The following PPM1H variants were observed in gnomAD, a reference collection of about 807,000 sequenced individuals.
The protein encoded by PPM1H is protein phosphatase, Mg2+/Mn2+ dependent 1H, also known as protein phosphatase 1H.
Under a neutral mutation model 54.9 loss-of-function variants are expected in PPM1H, and 27 were observed. The observed-to-expected ratio is 0.49, with a 90% CI of 0.36 to 0.68. The LOEUF (loss-of-function observed/expected upper bound fraction) is 0.68, where lower values mean the gene tolerates loss of function less well. PPM1H is among the 30% of genes least tolerant of loss of function. PPM1H has a pLI of 0.00. For missense variants in PPM1H, 596 were observed against 667.8 expected, an observed-to-expected ratio of 0.89 and a Z score of 1.19; for synonymous variants, 305 against 270.8, an observed-to-expected ratio of 1.13 and a Z score of -1.24.
chr12:62,931,829 C>A (rs1203102186), intron 1 of PPM1H, among the ~76,000 whole-genome samples: 1 of 152,068 alleles, frequency 6.6e-6, no homozygotes, highest in Non-Finnish European at 1.5e-5. Flanking sequence ...ACTATGTTAG[C>A]CATTACCAAT....
intron 9 of PPM1H, among the ~76,000 whole-genome samples, chr12:62,655,009 C>T (rs917077032): frequency 3.3e-5 from 5 of 152,160 alleles, no homozygotes; most frequent in Admixed American, 6.5e-5. Flanking sequence ...GAGCAGTGTG[C>T]GTGGACAACT....
At chr12:62,806,511 G>A (rs561456992) in intron 2 of PPM1H, among the ~76,000 whole-genome samples, 4 of 152,274 alleles carry the variant, frequency 2.6e-5, no homozygotes, top group South Asian at 4.1e-4. Flanking sequence ...ATCTCAGGTC[G>A]AATTGTGATC....
At chr12:62,683,095 G>T (rs1461574230) in intron 8 of PPM1H, among the ~76,000 whole-genome samples, 2 of 142,874 alleles carry the variant, frequency 1.4e-5, no homozygotes, top group African/African-American at 2.6e-5. Flanking sequence ...TTTTTGTAGA[G>T]ACAAGGTTTT....
At chr12:62,649,183 G>C (rs1292112698) in intron 9 of PPM1H, among the ~76,000 whole-genome samples, 1 of 149,734 alleles carries the variant, frequency 6.7e-6, no homozygotes, top group African/African-American at 2.5e-5. Flanking sequence ...CATATAGCAA[G>C]AATGTGAAGT....
intron 8 of PPM1H, among the ~76,000 whole-genome samples, chr12:62,686,504 A>G (rs952602332): frequency 6.6e-6 from 1 of 152,198 alleles, no homozygotes; most frequent in African/African-American, 2.4e-5. Context: ...CCCTGTGCTC[A>G]ATGGCATTCA....
chr12:62,807,860 C>CT, intron 2 of PPM1H, among the ~76,000 whole-genome samples: 1 of 152,312 alleles, frequency 6.6e-6, no homozygotes, highest in South Asian at 2.1e-4. Context: ...ATTTATGAGA[C>CT]AAGGTCTTGC....
chr12:62,899,495 TCTGA>T (rs1206786182), intron 1 of PPM1H, among the ~76,000 whole-genome samples: 1 of 152,224 alleles, frequency 6.6e-6, no homozygotes, highest in Non-Finnish European at 1.5e-5. Context: ...TTTACAAAAG[TCTGA>T]CTGACAAACC....
At chr12:62,651,256 G>A (rs1287747119) in intron 9 of PPM1H, among the ~76,000 whole-genome samples, 3 of 152,102 alleles carry the variant, frequency 2.0e-5, no homozygotes, top group African/African-American at 4.8e-5. Context: ...TTGTTACTAC[G>A]TCAGCACATT....
At chr12:62,676,010 C>T (rs2075983373) in intron 8 of PPM1H, among the ~76,000 whole-genome samples, 1 of 152,208 alleles carries the variant, frequency 6.6e-6, no homozygotes. Flanking sequence ...ACCAGCCTGG[C>T]ATGAGCCACA....
At chr12:62,744,967 C>T (rs2076402100) in intron 4 of PPM1H, among the ~76,000 whole-genome samples, 1 of 152,164 alleles carries the variant, frequency 6.6e-6, no homozygotes, top group Admixed American at 6.5e-5. Flanking sequence ...TGTCATCTGC[C>T]AGACCTTCAC....
At chr12:62,767,089 C>A (rs919578326) in intron 4 of PPM1H, among the ~76,000 whole-genome samples, 1 of 152,154 alleles carries the variant, frequency 6.6e-6, no homozygotes, top group South Asian at 2.1e-4. Context: ...AAGCTCCTGA[C>A]GCTCTGCAGA....
At chr12:62,856,725 T>A (rs1379918236) in intron 1 of PPM1H, among the ~76,000 whole-genome samples, 1 of 152,180 alleles carries the variant, frequency 6.6e-6, no homozygotes, top group African/African-American at 2.4e-5. Flanking sequence ...AAAGAGGGAA[T>A]CTTTGTCAAC....
intron 8 of PPM1H, among the ~76,000 whole-genome samples, chr12:62,667,928 C>G (rs993531249): frequency 6.6e-6 from 1 of 152,172 alleles, no homozygotes; most frequent in African/African-American, 2.4e-5. Flanking sequence ...GCCCAAGCAG[C>G]CAACTCCTCT....
At chr12:62,666,263 CT>C (rs1282362283) in intron 9 of PPM1H, among the ~76,000 whole-genome samples, 2 of 152,190 alleles carry the variant, frequency 1.3e-5, no homozygotes, top group Admixed American at 6.5e-5. Context: ...ATATTTTTGA[CT>C]GCTAAATCCA....
rs150151776 is a variant in PPM1H at position 62,724,537 on chromosome 12, C to T, written c.955-4248G>A. Among the ~76,000 whole-genome samples, 331 of 152,340 alleles carry T rather than the reference C, an allele frequency of 2.2e-3. 1 individual carries two copies. Among genetic ancestry groups the T allele is most frequent in the African/African-American group, 7.6e-3 (318 of 41,582 alleles). On this transcript the variant is annotated intron_variant, in intron 5 of 9. Transcript: ENST00000228705. ...GATAACTGCAGGGGCCACCTACCCT[C>T]TCCCTCTGAGGATGTGCAGGTTTGA...
In PPM1H at chr12:62,737,488, T is replaced by C; in HGVS notation, c.954+14A>G. ...TGATGCCACTGCCCTCTGCCAAGCC[T>C]AGATGACTCTTACCAGGTACTGAAG... On this transcript the variant is annotated intron_variant, in intron 5 of 9. Coordinates refer to ENST00000228705, the MANE Select transcript of PPM1H (RefSeq NM_020700.2). The C allele has an allele frequency of 6.5e-7, 1 of 1,527,148 alleles. No homozygotes were observed. Among genetic ancestry groups the C allele is most frequent in the Non-Finnish European group, 8.9e-7 (1 of 1,121,726 alleles). The allele number at this position is 1,527,148 out of a possible 1,614,324, so 94.6% of individuals were successfully genotyped here.
intron 4 of PPM1H, among the ~76,000 whole-genome samples, chr12:62,782,906 C>A (rs2076650113): frequency 6.6e-6 from 1 of 152,174 alleles, no homozygotes; most frequent in South Asian, 2.1e-4. Context: ...CGGCTCACTG[C>A]AGCCTTGACA....
chr12:62,691,840 A>C (rs546886395), intron 7 of PPM1H, among the ~76,000 whole-genome samples: 1 of 150,500 alleles, frequency 6.6e-6, no homozygotes, highest in African/African-American at 2.4e-5. Context: ...GATGCAAAGC[A>C]AAGCCTGGGG....
At chr12:62,678,212 G>A (rs572080173) in intron 8 of PPM1H, among the ~76,000 whole-genome samples, 67 of 152,310 alleles carry the variant, frequency 4.4e-4, no homozygotes, top group Non-Finnish European at 7.1e-4. Context: ...CTCCCAAAGT[G>A]CTAGAATTAC....
Sources: allele counts gnomAD v4.1 joint callset (sites outside exome capture counted in the v4.1 genomes callset), GRCh38; gene constraint gnomAD v4.1.1; transcripts MANE v1.5; gene names NCBI Gene and HGNC (gene_info 2026-07-23, HGNC 2026-07-21).